Variants in CLCN4 observed in about 807,000 individuals in gnomAD.
The protein encoded by CLCN4 is Cl-/H+ antiporter 4.
CLCN4 carries 1 observed loss-of-function variant against 41.7 expected under a neutral mutation model. The observed-to-expected ratio is 0.02, with a 90% CI of 0.01 to 0.11. The LOEUF is 0.11. Ranked by LOEUF, CLCN4 falls within the 10% of genes least tolerant of loss-of-function variation. The pLI, the probability that CLCN4 is intolerant of heterozygous loss-of-function variation, is 1.00. For synonymous variants in CLCN4, 277 were observed against 285.8 expected (o/e 0.97, Z 0.31); for missense variants, 287 against 661.0 (o/e 0.43, Z 6.20).
intron 5 of CLCN4, 101 bp from the exon 6 acceptor site, chrX:10,197,838 G>A (rs970096171): frequency 4.7e-6 from 5 of 1,073,826 alleles, no homozygotes; most frequent in Middle Eastern, 2.6e-4. Flanking sequence ...GCCCAATCCC[G>A]TCAAAGCTTT....
At chrX:10,165,931 C>T (rs964965045) in intron 2 of CLCN4, among the ~76,000 whole-genome samples, 1 of 112,149 alleles carries the variant, frequency 8.9e-6, no homozygotes, top group East Asian at 2.8e-4. Context: ...CACATGAACG[C>T]GGTTTTGGGT....
At chrX:10,222,083 G>A (rs1924875142) in intron 12 of CLCN4, among the ~76,000 whole-genome samples, 1 of 112,851 alleles carries the variant, frequency 8.9e-6, no homozygotes, top group South Asian at 3.6e-4. Flanking sequence ...CTTTGTTTTC[G>A]AAACAAACAT....
intron 2 of CLCN4, among the ~76,000 whole-genome samples, chrX:10,160,682 C>G (rs1331343186): frequency 1.8e-5 from 2 of 111,722 alleles, no homozygotes; most frequent in Non-Finnish European, 3.8e-5. Flanking sequence ...AATGTCTATG[C>G]AGCTAGGAGG....
intron 11 of CLCN4, among the ~76,000 whole-genome samples, chrX:10,216,918 T>TATATATATATATACACACACACACACAC (rs773265490): frequency 5.1e-5 from 2 of 38,931 alleles, no homozygotes; most frequent in Non-Finnish European, 8.4e-5. Context: ...TATATATATA[T>TATATATATATATACACACACACACACAC]ACACACACAC....
At chrX:10,229,897 TG>T (rs1925084372) in intron 12 of CLCN4, among the ~76,000 whole-genome samples, 1 of 112,306 alleles carries the variant, frequency 8.9e-6, no homozygotes, top group African/African-American at 3.2e-5. Flanking sequence ...TATATTCCTT[TG>T]GGTATGGAAC....
chrX:10,174,822 C>T (rs1257986163), intron 2 of CLCN4, among the ~76,000 whole-genome samples: 1 of 112,109 alleles, frequency 8.9e-6, no homozygotes. Context: ...CATCTTTTGT[C>T]CCCTCCCCAG....
At chrX:10,185,816 G>T (rs1923794626) in intron 3 of CLCN4, among the ~76,000 whole-genome samples, 1 of 111,820 alleles carries the variant, frequency 8.9e-6, no homozygotes, top group Non-Finnish European at 1.9e-5. Flanking sequence ...AGGGATGAGT[G>T]TGGAAATGGA....
chrX:10,187,553 C>A lies in CLCN4; in HGVS notation c.183C>A (p.Ile61=). The stretch of plus-strand genomic sequence containing the variant: ...GCAAGGAGTCCATATGGGAGTTCAT[C>A]AAGAGCCTGCTGGATGCCTGGTCGG... ...SKSKESIWEF[I]KSLLDAWSGW... Residue 61 remains isoleucine, a synonymous_variant, in exon 4 of 13, where the codon ATC becomes ATA. Coordinates refer to ENST00000380833, the MANE Select transcript of CLCN4 (RefSeq NM_001830.4). 1.7e-6 allele frequency: 2 copies of A among 1,211,356 alleles called. No individual in the cohort carries two copies. Among genetic ancestry groups the A allele is most frequent in the Non-Finnish European group, 2.2e-6 (2 of 895,088 alleles).
Position 10,236,932 on chromosome X carries a change from G to A in CLCN4, c.*3348G>A, listed in dbSNP as rs183062757. ...TAAGGGCACCCTGGAAGTGACATGT[G>A]TGTTTCTTCTAAGTCGTTTTTAGTG... On this transcript the variant is annotated 3_prime_UTR_variant, in exon 13 of 13. Transcript: ENST00000380833. The A allele has an allele frequency of 1.8e-5, 2 of 112,016 alleles. No homozygotes were observed. Among genetic ancestry groups the A allele is most frequent in the African/African-American group, 3.2e-5 (1 of 30,814 alleles). 9.2% of individuals were successfully genotyped at this position (112,016 alleles called of 1,213,427 possible). A position where few individuals can be genotyped will look rare whatever the true frequency, so the allele number is the denominator to read the frequency against.
intron 12 of CLCN4, among the ~76,000 whole-genome samples, chrX:10,227,684 A>C (rs999714606): frequency 5.4e-5 from 6 of 111,656 alleles, no homozygotes; most frequent in Non-Finnish European, 1.1e-4. Flanking sequence ...AGTCCTTGGC[A>C]ACCACTACTC....
chrX:10,175,345 C>T (rs1923491413), intron 2 of CLCN4, among the ~76,000 whole-genome samples: 1 of 111,022 alleles, frequency 9.0e-6, no homozygotes, highest in East Asian at 2.8e-4. Context: ...AAGCATTCCT[C>T]ATACAGGCTT....
chrX:10,201,947 C>T (rs1368311828), intron 6 of CLCN4, among the ~76,000 whole-genome samples: 2 of 108,978 alleles, frequency 1.8e-5, no homozygotes, highest in Admixed American at 9.8e-5. Context: ...CACTCCAGCC[C>T]GGACAACAGA....
intron 4 of CLCN4, among the ~76,000 whole-genome samples, chrX:10,188,833 C>T (rs762556698): frequency 1.8e-5 from 2 of 111,960 alleles, no homozygotes; most frequent in African/African-American, 6.5e-5. Flanking sequence ...TGATTTATTC[C>T]CTAGCTCATC....
intron 9 of CLCN4, among the ~76,000 whole-genome samples, chrX:10,209,267 T>TCCCC (rs1924475747): frequency 1.4e-5 from 1 of 72,076 alleles, no homozygotes; most frequent in Non-Finnish European, 2.4e-5. Flanking sequence ...TTTCTTTTCC[T>TCCCC]CCTCCCTCCC....
At position 10,235,302 on chromosome X, in the gene CLCN4, G is replaced by A. The variant is rs41305355; in HGVS notation, c.*1718G>A. 0.028 allele frequency: 3,170 copies of A among 112,188 alleles called. 44 individuals are homozygous for A. The highest frequency in any genetic ancestry group is 0.11 in the Middle Eastern group (23 of 217). 9.2% of individuals were successfully genotyped at this position (112,188 alleles called of 1,213,427 possible). A position where few individuals can be genotyped will look rare whatever the true frequency, so the allele number is the denominator to read the frequency against. ...AGGAAAGCAAAGCTTCCCCAGAGAC[G>A]CTCAGCTTGTATCCATTGACTGGAA... On this transcript the variant is annotated 3_prime_UTR_variant, in exon 13 of 13. Transcript: ENST00000380833.
intron 4 of CLCN4, among the ~76,000 whole-genome samples, chrX:10,193,669 C>G (rs1924025134): frequency 8.9e-6 from 1 of 112,087 alleles, no homozygotes; most frequent in African/African-American, 3.2e-5. Flanking sequence ...AGGTTTGTGG[C>G]CCATGTGGTT....
intron 9 of CLCN4, among the ~76,000 whole-genome samples, chrX:10,209,285 C>CT (rs1182899796): frequency 9.6e-4 from 86 of 89,526 alleles, no homozygotes; most frequent in African/African-American, 3.8e-3. Flanking sequence ...CCCTCCCTCC[C>CT]TCCCTCCCTT....
At chrX:10,224,557 G>A (rs1277938766) in intron 12 of CLCN4, among the ~76,000 whole-genome samples, 1 of 109,855 alleles carries the variant, frequency 9.1e-6, no homozygotes, top group Non-Finnish European at 1.9e-5. Context: ...CAAGGCAGGC[G>A]CTCCGGGGGG....
rs543897636 is a variant in CLCN4, at chrX:10,215,691, A to G, written c.1975+1612A>G. Among the ~76,000 whole-genome samples the G allele has an allele frequency of 7.1e-5, 8 of 112,320 alleles. No individual in the cohort carries two copies. The South Asian group carries it at 1.1e-3, about 15-fold the overall frequency. ...TGTCACAGAATCTATTATCTATTGT[A>G]TAGCTCCAGGCACACCTGCTAAGAG... is the stretch of plus-strand genomic sequence containing the variant. On this transcript the variant is annotated intron_variant, in intron 11 of 12. Transcript: ENST00000380833.
Sources: gnomAD v4.1 joint callset for allele counts (sites outside exome capture counted in the v4.1 genomes callset) on GRCh38, gnomAD v4.1.1 for gene constraint, MANE v1.5 for transcripts, NCBI Gene and HGNC (gene_info 2026-07-23, HGNC 2026-07-21) for gene names.